NPLOC4: variants seen among roughly 807,000 people sequenced by gnomAD.
NPLOC4 encodes nuclear protein localization protein 4 homolog.
NPLOC4 carries 18 observed loss-of-function variants against 80.6 expected under a neutral mutation model. That is an observed-to-expected ratio of 0.22 (90% confidence interval 0.15 to 0.33). NPLOC4 has a LOEUF of 0.33. NPLOC4 is among the 10% of genes least tolerant of loss of function. The probability of loss-of-function intolerance (pLI) is 1.00; values close to 1 mark genes in which losing one functional copy is unlikely to be tolerated. For missense variants in NPLOC4, 540 were observed against 786.1 expected (o/e 0.69, Z 3.74); for synonymous variants, 313 against 301.5 (o/e 1.04, Z -0.39).
intron 12 of NPLOC4, among the ~76,000 whole-genome samples, chr17:81,575,832 G>C (rs753991257): frequency 6.6e-6 from 1 of 152,214 alleles, no homozygotes; most frequent in African/African-American, 2.4e-5. Context: ...TTTCTCTTAA[G>C]ACTGGGAATA....
intron 10 of NPLOC4, 89 bp downstream of exon 10, chr17:81,597,156 C>T (rs1347104921): frequency 4.6e-6 from 4 of 876,524 alleles, no homozygotes; most frequent in African/African-American, 1.7e-5. Context: ...AAGCTAGAAC[C>T]AGCGGTGCAA....
chr17:81,565,590 C>T lies in NPLOC4; in HGVS notation c.1584G>A (p.Leu528=). The T allele has an allele frequency of 6.4e-7, 1 of 1,552,042 alleles. No homozygotes were observed. Among genetic ancestry groups the T allele is most frequent in the African/African-American group, 1.4e-5 (1 of 73,328 alleles). Residue 528 remains leucine, a synonymous_variant, in exon 16 of 17, where the codon CTG becomes CTA. Transcript: ENST00000331134. ...VMPLQDSISL[L]LEAVRTRNEE... ...CATTTCTGGTCCGCACGGCCTCCAG[C>T]AGCAAGCTGATGCTGTCCTACAAGA...
intron 10 of NPLOC4, among the ~76,000 whole-genome samples, chr17:81,596,850 C>T (rs2034921601): frequency 1.3e-5 from 2 of 152,120 alleles, no homozygotes; most frequent in African/African-American, 4.8e-5. Context: ...CATGGTGGCT[C>T]ACACCTGTAA....
intron 8 of NPLOC4, among the ~76,000 whole-genome samples, chr17:81,604,229 T>C (rs2035139030): frequency 6.6e-6 from 1 of 152,120 alleles, no homozygotes; most frequent in Admixed American, 6.6e-5. Flanking sequence ...AGACACAGAA[T>C]GACACAAGGA....
chr17:81,592,375 A>G (rs1376588006), intron 11 of NPLOC4, among the ~76,000 whole-genome samples: 3 of 151,760 alleles, frequency 2.0e-5, no homozygotes, highest in African/African-American at 4.8e-5. Context: ...GAGGATAAGC[A>G]CTCCTCAGTC....
intron 6 of NPLOC4, among the ~76,000 whole-genome samples, chr17:81,607,990 G>C (rs930174713): frequency 6.6e-6 from 1 of 152,234 alleles, no homozygotes; most frequent in Non-Finnish European, 1.5e-5. Context: ...AGGGTGTACA[G>C]AGAGCCAACA....
chr17:81,574,036 C>A (rs1392426827), intron 12 of NPLOC4, among the ~76,000 whole-genome samples: 1 of 152,138 alleles, frequency 6.6e-6, no homozygotes, highest in African/African-American at 2.4e-5. Context: ...TCCTGGGGCC[C>A]CAAAAGAGGT....
intron 6 of NPLOC4, among the ~76,000 whole-genome samples, chr17:81,607,153 G>A (rs1297509884): frequency 6.6e-6 from 1 of 152,204 alleles, no homozygotes; most frequent in Non-Finnish European, 1.5e-5. Context: ...GTGCCACTGA[G>A]CGGGCATGAG....
chr17:81,626,030 TC>T (rs1407868079), intron 2 of NPLOC4, among the ~76,000 whole-genome samples: 2 of 151,420 alleles, frequency 1.3e-5, no homozygotes, highest in Admixed American at 6.6e-5. Flanking sequence ...ACCCCTGTAA[TC>T]CCAGCTACTC....
chr17:81,597,348 T>C (rs1472989826), intron 9 of NPLOC4, 32 bp from the exon 10 acceptor site: 5 of 1,555,350 alleles, frequency 3.2e-6, no homozygotes, highest in Non-Finnish European at 1.8e-6. Context: ...TTTAAACATC[T>C]CCTCAAGATA....
intron 2 of NPLOC4, among the ~76,000 whole-genome samples, chr17:81,625,281 G>A (rs2035767738): frequency 1.3e-5 from 2 of 152,130 alleles, no homozygotes; most frequent in South Asian, 2.1e-4. Flanking sequence ...AAGACTAGAG[G>A]GAAAATCAGG....
chr17:81,610,136 G>T lies in NPLOC4; in HGVS notation c.435+74C>A. On this transcript the variant is annotated intron_variant, in intron 5 of 16. Transcript: ENST00000331134. ...ACTACAGCCAAGTGCGTGGACTCAGGGCAAGCACTTAAGACAGCTGTCTAC... is the reference window on the plus strand; with the variant it reads ...ACTACAGCCAAGTGCGTGGACTCAGTGCAAGCACTTAAGACAGCTGTCTAC... 4 of 1,379,174 alleles carry T rather than the reference G, an allele frequency of 2.9e-6. No homozygotes were observed. In the South Asian group the frequency reaches 5.0e-5, roughly 17 times the overall value. The allele number at this position is 1,379,174 out of a possible 1,614,324, so 85.4% of individuals were successfully genotyped here. A position where few individuals can be genotyped will look rare whatever the true frequency, so the allele number is the denominator to read the frequency against.
At chr17:81,603,965 G>A (rs777258458) in intron 8 of NPLOC4, among the ~76,000 whole-genome samples, 4 of 152,078 alleles carry the variant, frequency 2.6e-5, no homozygotes, top group Non-Finnish European at 4.4e-5. Context: ...GAAATACAAT[G>A]TGTAACTAGT....
chr17:81,603,728 C>A (rs1056306955), intron 8 of NPLOC4, among the ~76,000 whole-genome samples: 1 of 152,114 alleles, frequency 6.6e-6, no homozygotes, highest in African/African-American at 2.4e-5. Context: ...CTCTAGTCAC[C>A]CATCAATTCA....
At chr17:81,627,060 A>G (rs1160032154) in intron 2 of NPLOC4, among the ~76,000 whole-genome samples, 1 of 151,150 alleles carries the variant, frequency 6.6e-6, no homozygotes, top group Non-Finnish European at 1.5e-5. Context: ...GCTGCACTCC[A>G]GCTTGGGCGA....
intron 11 of NPLOC4, 82 bp from the exon 12 acceptor site, chr17:81,589,186 C>A: frequency 8.0e-7 from 1 of 1,248,910 alleles, no homozygotes; most frequent in South Asian, 1.5e-5. Context: ...CACCTCTGAT[C>A]AACAGAAAAA....
In NPLOC4 at chr17:81,589,059, T is replaced by C. The variant is rs766693875; in HGVS notation, c.1166A>G (p.Asn389Ser). 2 of 1,613,954 alleles carry C rather than the reference T, an allele frequency of 1.2e-6. No homozygotes were observed. Among genetic ancestry groups the C allele is most frequent in the South Asian group, 1.1e-5 (1 of 91,082 alleles). ...QVHFEGYQVS[N>S]QCMALVRDEC... ...ATCACGGACCAGTGCCATACACTGATTGGACACCTGGTACCCTTCAAAGTG... is the reference window on the plus strand; with the variant it reads ...ATCACGGACCAGTGCCATACACTGACTGGACACCTGGTACCCTTCAAAGTG... Residue 389 changes from asparagine to serine, a missense_variant, in exon 12 of 17, where the codon AAT (asparagine) becomes AGT (serine). Physicochemically the swap from Asn to Ser is conservative, Grantham distance 46. Transcript: ENST00000331134.
chr17:81,630,217 C>T (rs2035893677), intron 1 of NPLOC4, among the ~76,000 whole-genome samples: 1 of 150,272 alleles, frequency 6.7e-6, no homozygotes, highest in African/African-American at 2.4e-5. Flanking sequence ...GTTCCAGGAT[C>T]TATATACAAA....
intron 12 of NPLOC4, among the ~76,000 whole-genome samples, chr17:81,579,956 G>A (rs1422714558): frequency 2.6e-5 from 4 of 151,974 alleles, no homozygotes; most frequent in African/African-American, 9.7e-5. Context: ...ACTCAGCCAG[G>A]CTCATCAAAG....
Sources: allele counts gnomAD v4.1 joint callset (sites outside exome capture counted in the v4.1 genomes callset), GRCh38; gene constraint gnomAD v4.1.1; transcripts MANE v1.5; gene names NCBI Gene and HGNC (gene_info 2026-07-23, HGNC 2026-07-21).